HACE1: variants seen among roughly 807,000 people sequenced by gnomAD.
HACE1 encodes HECT domain and ankyrin repeat containing E3 ubiquitin protein ligase 1, also known as E3 ubiquitin-protein ligase HACE1.
Under a neutral mutation model 118.4 loss-of-function variants are expected in HACE1, and 73 were observed. That is an observed-to-expected ratio of 0.62 (90% CI 0.51 to 0.75). The LOEUF is 0.75. Ranked by LOEUF, HACE1 falls within the 30% of genes least tolerant of loss-of-function variation. The pLI, the probability that HACE1 is intolerant of heterozygous loss-of-function variation, is 0.00. For synonymous variants in HACE1, 368 were observed against 374.8 expected, an observed-to-expected ratio of 0.98 and a Z score of 0.21; for missense variants, 749 against 1,102.2, an observed-to-expected ratio of 0.68 and a Z score of 4.54.
intron 11 of HACE1, among the ~76,000 whole-genome samples, chr6:104,789,298 TGA>T (rs1782751525): frequency 6.6e-6 from 1 of 152,122 alleles, no homozygotes; most frequent in Admixed American, 6.5e-5. Context: ...AAAAACTAGC[TGA>T]GTTTTACAAT....
chr6:104,757,488 G>A (rs1778856099), intron 19 of HACE1, among the ~76,000 whole-genome samples: 1 of 152,144 alleles, frequency 6.6e-6, no homozygotes, highest in East Asian at 1.9e-4. Context: ...ACACAGAAAG[G>A]AAGAGCATCA....
chr6:104,857,167 ATATT>A (rs1386224771), intron 1 of HACE1, among the ~76,000 whole-genome samples: 3 of 147,770 alleles, frequency 2.0e-5, no homozygotes, highest in African/African-American at 7.4e-5. Flanking sequence ...TTACATATAT[ATATT>A]TATTTACATA....
intron 4 of HACE1, 151 bp downstream of exon 4, chr6:104,848,991 C>CA (rs146300146): frequency 4.6e-5 from 29 of 628,582 alleles, no homozygotes; most frequent in African/African-American, 2.8e-4. Flanking sequence ...CTTTGAGAGA[C>CA]AAAAAAAATA....
At chr6:104,831,096 T>G (rs1349952475) in intron 6 of HACE1, 1 of 151,954 alleles carries the variant, frequency 6.6e-6, no homozygotes, top group Non-Finnish European at 1.5e-5. Context: ...AGAAAAAACT[T>G]AAAAACATAA....
At chr6:104,812,044 G>A (rs956538327) in intron 6 of HACE1, among the ~76,000 whole-genome samples, 1 of 151,960 alleles carries the variant, frequency 6.6e-6, no homozygotes. Context: ...CATACTAAGA[G>A]AGAGTACGCT....
At chr6:104,797,310 C>CTTT (rs1192969060) in intron 7 of HACE1, among the ~76,000 whole-genome samples, 1 of 144,032 alleles carries the variant, frequency 6.9e-6, no homozygotes. Flanking sequence ...CAGGCTTCTG[C>CTTT]TTTTTTTTTT....
intron 19 of HACE1, among the ~76,000 whole-genome samples, chr6:104,767,551 G>A (rs905008882): frequency 6.6e-6 from 1 of 152,064 alleles, no homozygotes; most frequent in Admixed American, 6.5e-5. Context: ...ACTGAAATTT[G>A]ATCATGTCAT....
chr6:104,779,452 C>T (rs937231251), intron 14 of HACE1, among the ~76,000 whole-genome samples: 4 of 152,292 alleles, frequency 2.6e-5, no homozygotes, highest in East Asian at 1.9e-4. Flanking sequence ...AGAATAAATG[C>T]TACCTTTTTA....
chr6:104,830,758 C>CTTTTTTT (rs3035081), intron 6 of HACE1, among the ~76,000 whole-genome samples: 6 of 132,958 alleles, frequency 4.5e-5, no homozygotes, highest in African/African-American at 8.6e-5. Context: ...AAATTACATT[C>CTTTTTTT]TTTTTTTTTT....
chr6:104,745,106 T>C (rs992330548), intron 20 of HACE1, among the ~76,000 whole-genome samples: 2 of 152,114 alleles, frequency 1.3e-5, no homozygotes, highest in Admixed American at 6.5e-5. Context: ...ATAGTTACGA[T>C]TTTTAAAAAA....
At chr6:104,827,932 T>C (rs1266204859) in intron 6 of HACE1, among the ~76,000 whole-genome samples, 1 of 152,118 alleles carries the variant, frequency 6.6e-6, no homozygotes, top group Admixed American at 6.5e-5. Context: ...ATAAGGTTTA[T>C]TCTGATAAAA....
chr6:104,842,312 A>G (rs1775190054), intron 5 of HACE1: 1 of 152,356 alleles, frequency 6.6e-6, no homozygotes, highest in Non-Finnish European at 1.5e-5. Flanking sequence ...GTCTCTAAAA[A>G]AAGGTTTTAT....
chr6:104,805,045 AG>A (rs1156670806), intron 7 of HACE1, among the ~76,000 whole-genome samples: 1 of 152,254 alleles, frequency 6.6e-6, no homozygotes, highest in African/African-American at 2.4e-5. Flanking sequence ...AATTGGGCAA[AG>A]GATATGAACA....
intron 6 of HACE1, among the ~76,000 whole-genome samples, chr6:104,832,414 T>C (rs1298926458): frequency 6.6e-6 from 1 of 151,820 alleles, no homozygotes; most frequent in African/African-American, 2.4e-5. Context: ...TGTTGTTTGA[T>C]ACAGGCTCTC....
In HACE1 at chr6:104,808,748, A is replaced by T. The variant is rs564951545; in HGVS notation, c.617+2563T>A. Reference sequence around the variant, plus strand: ...ATTCCTTTCCCTTTCATTTATCAGAAATAACACATTGGGAATAACTTATAT... The same window carrying T: ...ATTCCTTTCCCTTTCATTTATCAGATATAACACATTGGGAATAACTTATAT... On this transcript the variant is annotated intron_variant, in intron 7 of 23. Transcript: ENST00000262903. Among the ~76,000 whole-genome samples, 454 of 152,256 alleles carry T rather than the reference A, an allele frequency of 3.0e-3. 5 individuals are homozygous for T. Among genetic ancestry groups the T allele is most frequent in the Non-Finnish European group, 5.6e-3 (383 of 68,000 alleles).
intron 6 of HACE1, among the ~76,000 whole-genome samples, chr6:104,830,352 A>G (rs572335957): frequency 3.9e-4 from 60 of 152,352 alleles, no homozygotes; most frequent in Non-Finnish European, 1.5e-4. Context: ...TGAGAAGAAT[A>G]TACTTGAAAA....
At chr6:104,839,590 T>C (rs1166597413) in intron 5 of HACE1, among the ~76,000 whole-genome samples, 2 of 152,214 alleles carry the variant, frequency 1.3e-5, no homozygotes, top group African/African-American at 4.8e-5. Flanking sequence ...ATGTTCAGAA[T>C]ATTGACTATG....
chr6:104,793,034 C>T (rs1783209598), intron 10 of HACE1, among the ~76,000 whole-genome samples: 1 of 151,164 alleles, frequency 6.6e-6, no homozygotes, highest in African/African-American at 2.4e-5. Flanking sequence ...TTTGGGAGGC[C>T]GAGGCAGGCA....
intron 6 of HACE1, among the ~76,000 whole-genome samples, chr6:104,827,394 C>A (rs1415944957): frequency 6.6e-6 from 1 of 152,046 alleles, no homozygotes; most frequent in Non-Finnish European, 1.5e-5. Context: ...AAGTAAAACT[C>A]CCAACTCACT....
Sources: allele counts gnomAD v4.1 joint callset (sites outside exome capture counted in the v4.1 genomes callset), GRCh38; gene constraint gnomAD v4.1.1; transcripts MANE v1.5; gene names NCBI Gene and HGNC (gene_info 2026-07-23, HGNC 2026-07-21).